Variants in KIAA0825 observed in about 807,000 individuals in gnomAD.
The protein encoded by KIAA0825 is uncharacterized protein KIAA0825.
In KIAA0825, 119 loss-of-function variants were observed where a neutral mutation model predicts 147.6. The ratio of observed to expected loss-of-function variants is 0.81; its 90% CI spans 0.69 to 0.94. The LOEUF (loss-of-function observed/expected upper bound fraction) is 0.94. Ranked by LOEUF, KIAA0825 falls within the 40% of genes least tolerant of loss-of-function variation. KIAA0825 has a pLI of 0.00. For missense variants in KIAA0825, 1,381 were observed against 1,472.7 expected (o/e 0.94, Z 1.02); for synonymous variants, 470 against 518.1 (o/e 0.91, Z 1.26).
chr5:94,410,250 C>T (rs1407545349), intron 15 of KIAA0825, among the ~76,000 whole-genome samples: 1 of 142,660 alleles, frequency 7.0e-6, no homozygotes, highest in Non-Finnish European at 1.5e-5. Context: ...AGTATCCAAA[C>T]AAAAGAACAG....
chr5:94,529,379 C>T (rs1770259586), intron 3 of KIAA0825, among the ~76,000 whole-genome samples: 2 of 142,456 alleles, frequency 1.4e-5, no homozygotes, highest in South Asian at 2.2e-4. Context: ...GTATATATCT[C>T]ATATATGTAT....
At chr5:94,329,271 A>T (rs535360890) in intron 20 of KIAA0825, among the ~76,000 whole-genome samples, 10 of 152,256 alleles carry the variant, frequency 6.6e-5, no homozygotes, top group Admixed American at 2.6e-4. Flanking sequence ...CAACATAAGC[A>T]TAATTGGTGT....
At chr5:94,516,752 A>T (rs1481700845) in intron 5 of KIAA0825, among the ~76,000 whole-genome samples, 2 of 148,156 alleles carry the variant, frequency 1.3e-5, no homozygotes, top group Non-Finnish European at 3.0e-5. Flanking sequence ...ATCGCGCCAC[A>T]GCACTCCCGC....
In KIAA0825 at chr5:94,471,472, G is replaced by C; in HGVS notation, c.1715C>G (p.Thr572Ser). Residue 572 changes from threonine to serine, a missense_variant, in exon 9 of 21, where the codon ACT becomes AGT. Thr to Ser is a moderately conservative substitution (Grantham distance 58). Transcript: ENST00000682413. ...KRYDNLMKEMTKKPIFLVLVQ... is the reference protein window; with the variant it reads ...KRYDNLMKEMSKKPIFLVLVQ... ...TAATTTAAACAACACTCACTTTTTA[G>C]TCATTTCCTTCATCAAATTATCATA... The C allele has an allele frequency of 1.3e-6, 2 of 1,551,590 alleles. No homozygotes were observed. Among genetic ancestry groups the C allele is most frequent in the Non-Finnish European group, 1.7e-6 (2 of 1,146,870 alleles).
At chr5:94,208,729 G>T (rs1345131308) in intron 20 of KIAA0825, among the ~76,000 whole-genome samples, 2 of 152,198 alleles carry the variant, frequency 1.3e-5, no homozygotes, top group Non-Finnish European at 2.9e-5. Context: ...GAAGGGCACA[G>T]CATGATCAAA....
chr5:94,323,501 A>AT (rs531647946), intron 20 of KIAA0825, among the ~76,000 whole-genome samples: 226 of 148,574 alleles, frequency 1.5e-3, no homozygotes, highest in South Asian at 4.7e-3. Context: ...GACATTTGGG[A>AT]TTTTTTTTTC....
intron 14 of KIAA0825, among the ~76,000 whole-genome samples, chr5:94,428,994 C>T (rs1471312432): frequency 2.0e-5 from 3 of 152,082 alleles, no homozygotes; most frequent in Non-Finnish European, 2.9e-5. Context: ...ATTGATAAAG[C>T]TTTCAGTTTT....
intron 20 of KIAA0825, among the ~76,000 whole-genome samples, chr5:94,316,768 A>G (rs2150227837): frequency 6.6e-6 from 1 of 151,896 alleles, no homozygotes; most frequent in South Asian, 2.1e-4. Flanking sequence ...TGCAATTTTT[A>G]AAAGTTTATT....
In KIAA0825 at chr5:94,477,133, T is replaced by A; in HGVS notation, c.1205A>T (p.Glu402Val). The A allele has an allele frequency of 6.4e-7, 1 of 1,550,706 alleles. No homozygotes were observed. The highest frequency in any genetic ancestry group is 1.2e-5 in the South Asian group (1 of 83,994). ...TACCTCTTTTCCTGGTAGTGATTGC[T>A]CGGAAGGAATATTGGTTTCGTTTGC... ...PRANETNIPSEQSLPGKEATL... is the reference protein window; with the variant it reads ...PRANETNIPSVQSLPGKEATL... The change falls in exon 7 of 21, where the codon GAG (glutamate) becomes GTG (valine). Residue 402 changes from glutamate to valine, a missense_variant. By Grantham distance (121) the Glu-to-Val change is moderately radical. Coordinates refer to ENST00000682413, the MANE Select transcript of KIAA0825 (RefSeq NM_001145678.3).
intron 20 of KIAA0825, among the ~76,000 whole-genome samples, chr5:94,177,663 G>A (rs1317476843): frequency 6.6e-6 from 1 of 152,078 alleles, no homozygotes; most frequent in Non-Finnish European, 1.5e-5. Flanking sequence ...GCCTGTGGTT[G>A]AATGGCTGCG....
intron 13 of KIAA0825, among the ~76,000 whole-genome samples, chr5:94,452,605 A>T (rs150534101): frequency 6.6e-6 from 1 of 152,206 alleles, no homozygotes; most frequent in Non-Finnish European, 1.5e-5. Flanking sequence ...TTCAACTTCT[A>T]CCTAAGGCTC....
chr5:94,315,728 T>C (rs1234173235), intron 20 of KIAA0825, among the ~76,000 whole-genome samples: 1 of 151,746 alleles, frequency 6.6e-6, no homozygotes, highest in East Asian at 1.9e-4. Flanking sequence ...TCATACCATG[T>C]GGGGCTTAGA....
intron 20 of KIAA0825, among the ~76,000 whole-genome samples, chr5:94,264,036 A>G (rs561317968): frequency 1.3e-5 from 2 of 152,280 alleles, no homozygotes; most frequent in South Asian, 2.1e-4. Context: ...AGGTTTTTCC[A>G]TATCACAGTG....
At chr5:94,442,205 G>A (rs748988091) in intron 13 of KIAA0825, among the ~76,000 whole-genome samples, 1 of 152,140 alleles carries the variant, frequency 6.6e-6, no homozygotes, top group Non-Finnish European at 1.5e-5. Context: ...AAGTCTCGAA[G>A]CACCTCCCCC....
At chr5:94,325,288 A>G (rs1025472270) in intron 20 of KIAA0825, among the ~76,000 whole-genome samples, 2 of 151,998 alleles carry the variant, frequency 1.3e-5, no homozygotes, top group Non-Finnish European at 2.9e-5. Context: ...TTAAATCCAG[A>G]AAAACAGCAG....
intron 1 of KIAA0825, chr5:94,593,239 T>G: frequency 1.3e-6 from 1 of 763,148 alleles, no homozygotes; most frequent in Non-Finnish European, 2.5e-6. Flanking sequence ...GCTGTCAGAA[T>G]TTTCCTCTTG....
intron 13 of KIAA0825, among the ~76,000 whole-genome samples, chr5:94,442,972 T>C (rs1227575457): frequency 2.0e-5 from 3 of 152,056 alleles, no homozygotes; most frequent in Non-Finnish European, 4.4e-5. Context: ...TTGGAGGTGG[T>C]TGGTGTTTTC....
intron 20 of KIAA0825, among the ~76,000 whole-genome samples, chr5:94,174,758 C>T (rs1583749806): frequency 1.3e-5 from 2 of 152,166 alleles, no homozygotes; most frequent in East Asian, 3.8e-4. Flanking sequence ...AGTTACCAAC[C>T]CTATCAGTCC....
At position 94,368,677 on chromosome 5, in the gene KIAA0825, G is replaced by A. The variant is rs541181312; in HGVS notation, c.3710+15691C>T. Among the ~76,000 whole-genome samples, 7 of 152,268 alleles carry A rather than the reference G, an allele frequency of 4.6e-5. No homozygotes were observed. In the East Asian group the frequency reaches 7.7e-4, roughly 17 times the overall value. On this transcript the variant is annotated intron_variant, in intron 20 of 20. Transcript: ENST00000682413. ...TGAGAAATGTTTAGAGGAAACACTC[G>A]GAGGCATGTATTCTCTAACAGAATT...
Sources: gnomAD v4.1 joint callset for allele counts (sites outside exome capture counted in the v4.1 genomes callset) on GRCh38, gnomAD v4.1.1 for gene constraint, MANE v1.5 for transcripts, NCBI Gene and HGNC (gene_info 2026-07-23, HGNC 2026-07-21) for gene names.